ATP8B4: variants seen among roughly 807,000 people sequenced by gnomAD.
ATP8B4 encodes the protein ATPase phospholipid transporting 8B4 (putative).
In ATP8B4, 133 loss-of-function variants were observed where a neutral mutation model predicts 145.6. The ratio of observed to expected loss-of-function variants is 0.91; its 90% CI spans 0.79 to 1.05. ATP8B4 has a LOEUF of 1.05. ATP8B4 is among the 50% of genes least tolerant of loss of function. ATP8B4 has a pLI of 0.00. For missense variants in ATP8B4, 1,458 were observed against 1,425.2 expected (o/e 1.02, Z -0.37); for synonymous variants, 507 against 492.9 (o/e 1.03, Z -0.38).
chr15:49,876,387 G>C lies in ATP8B4; in HGVS notation c.2918C>G (p.Pro973Arg), dbSNP rs2034425722. ...IYTSLVLFFI[P>R]YGAFYNVAGE... The stretch of plus-strand genomic sequence containing the variant: ...AGCCACGTTGTAAAAGGCCCCATAG[G>C]GGATGAAGAAAAGGACTAATGAGGT... Residue 973 changes from proline to arginine, a missense_variant, in exon 25 of 28, where the codon CCC (proline) becomes CGC (arginine). By Grantham distance (103) the Pro-to-Arg change is moderately radical. Coordinates refer to ENST00000284509, the MANE Select transcript of ATP8B4 (RefSeq NM_024837.4). 1 of 1,613,990 alleles carries C rather than the reference G, an allele frequency of 6.2e-7. No homozygotes were observed. The highest frequency in any genetic ancestry group is 8.5e-7 in the Non-Finnish European group (1 of 1,179,998).
chr15:50,016,537 G>A (rs1470218736), intron 6 of ATP8B4, among the ~76,000 whole-genome samples: 1 of 152,190 alleles, frequency 6.6e-6, no homozygotes, highest in East Asian at 1.9e-4. Context: ...GACAGAGGGA[G>A]CAGTTGGGCT....
chr15:49,979,364 C>G (rs1456103892), intron 12 of ATP8B4, among the ~76,000 whole-genome samples: 1 of 152,112 alleles, frequency 6.6e-6, no homozygotes, highest in Non-Finnish European at 1.5e-5. Context: ...TATTGTAGTG[C>G]ATGTCTTACA....
Position 49,918,940 on chromosome 15 carries a change from G to C in ATP8B4, c.1934C>G (p.Ala645Gly). The C allele has an allele frequency of 6.2e-7, 1 of 1,608,322 alleles. No homozygotes were observed. Among genetic ancestry groups the C allele is most frequent in the Non-Finnish European group, 8.5e-7 (1 of 1,176,262 alleles). Residue 645 changes from alanine (A) to glycine (G), a missense_variant, in exon 19 of 28, where the codon GCC becomes GGC. Transcript: ENST00000284509. ...CTGTAACTTATCTTCTACAGCAGTG[G>C]CACCTAGTAGCTTTATTGAAAAAGA... The part of the protein sequence containing the change: ...EIERDLMLLG[A>G]TAVEDKLQEG...
intron 1 of ATP8B4, among the ~76,000 whole-genome samples, chr15:50,126,527 G>T (rs191743317): frequency 6.6e-6 from 1 of 152,266 alleles, no homozygotes; most frequent in Admixed American, 6.5e-5. Flanking sequence ...TAAACTCAGG[G>T]TCATATGTCA....
chr15:50,002,286 A>T (rs905647085), intron 7 of ATP8B4, 63 bp from the exon 8 acceptor site: 302 of 1,347,310 alleles, frequency 2.2e-4, no homozygotes, highest in Non-Finnish European at 2.9e-4. Context: ...AGTCTTCTAC[A>T]GTATATCACC....
rs185358301 is a variant in ATP8B4, at chr15:50,079,842, G to C, written c.29-5657C>G. On this transcript the variant is annotated intron_variant, in intron 2 of 27. Coordinates refer to ENST00000284509, the MANE Select transcript of ATP8B4 (RefSeq NM_024837.4). ...ATAAATACTATGTGACCATGAACTTGAGATTGAACTTCCTGGAACATACCT... is the reference window on the plus strand; with the variant it reads ...ATAAATACTATGTGACCATGAACTTCAGATTGAACTTCCTGGAACATACCT... Among the ~76,000 whole-genome samples, 12 of 152,316 alleles carry C rather than the reference G, an allele frequency of 7.9e-5. No individual in the cohort carries two copies. The East Asian group carries it at 2.3e-3, about 29-fold the overall frequency.
At chr15:50,167,666 A>G (rs2044614354) in intron 1 of ATP8B4, among the ~76,000 whole-genome samples, 2 of 152,214 alleles carry the variant, frequency 1.3e-5, no homozygotes. Flanking sequence ...TACACTTAGC[A>G]TATCAGCACT....
chr15:49,907,605 G>C (rs751989986), intron 20 of ATP8B4, among the ~76,000 whole-genome samples: 50 of 152,196 alleles, frequency 3.3e-4, no homozygotes, highest in Non-Finnish European at 6.5e-4. Context: ...GCATGGAACA[G>C]TCATAAAGCT....
At chr15:49,976,479 C>A (rs1056558830) in intron 12 of ATP8B4, among the ~76,000 whole-genome samples, 13 of 151,966 alleles carry the variant, frequency 8.6e-5, no homozygotes, top group African/African-American at 3.1e-4. Flanking sequence ...CCCAAGGTCA[C>A]ATCAATAATT....
At chr15:49,970,059 TA>T (rs560558274) in intron 13 of ATP8B4, among the ~76,000 whole-genome samples, 17 of 152,238 alleles carry the variant, frequency 1.1e-4, no homozygotes, top group African/African-American at 4.1e-4. Context: ...AGGCCTTTGA[TA>T]AAATTCAGCA....
At position 49,879,367 on chromosome 15, in the gene ATP8B4, A is replaced by T; in HGVS notation, c.2781+9T>A. ...GAAACTAAGTTATAAAGATGGAAAA[A>T]AAACATACCTGGTCAAAAATCCCCA... is the stretch of plus-strand genomic sequence containing the variant. On this transcript the variant is annotated intron_variant, in intron 24 of 27. Coordinates refer to ENST00000284509, the MANE Select transcript of ATP8B4 (RefSeq NM_024837.4). 1 of 1,602,408 alleles carries T rather than the reference A, an allele frequency of 6.2e-7. No homozygotes were observed. Among genetic ancestry groups the T allele is most frequent in the South Asian group, 1.1e-5 (1 of 89,240 alleles).
chr15:50,181,240 G>T (rs2044842908), intron 1 of ATP8B4, among the ~76,000 whole-genome samples: 1 of 152,172 alleles, frequency 6.6e-6, no homozygotes. Context: ...GACAGTAGAG[G>T]ATGAAAATAA....
chr15:49,872,367 C>T (rs796231250), intron 25 of ATP8B4, among the ~76,000 whole-genome samples: 1 of 152,078 alleles, frequency 6.6e-6, no homozygotes, highest in Non-Finnish European at 1.5e-5. Context: ...ATACTCCTTC[C>T]TCTAGGAGGT....
At chr15:49,869,199 A>G (rs1425359872) in intron 25 of ATP8B4, among the ~76,000 whole-genome samples, 1 of 152,016 alleles carries the variant, frequency 6.6e-6, no homozygotes, top group Non-Finnish European at 1.5e-5. Context: ...GGCGTGAGCC[A>G]CTGAGCCTGG....
chr15:50,020,489 C>T (rs1393313439), intron 6 of ATP8B4, among the ~76,000 whole-genome samples: 1 of 151,952 alleles, frequency 6.6e-6, no homozygotes, highest in African/African-American at 2.4e-5. Flanking sequence ...CCAGGCTGGT[C>T]TCAAACTCCT....
intron 3 of ATP8B4, among the ~76,000 whole-genome samples, chr15:50,072,918 C>T (rs1462095818): frequency 5.4e-5 from 6 of 110,792 alleles, no homozygotes; most frequent in African/African-American, 1.7e-4. Flanking sequence ...TCACTGTGCC[C>T]GGCCTCTCTC....
At chr15:50,167,665 C>T (rs745992387) in intron 1 of ATP8B4, among the ~76,000 whole-genome samples, 7 of 152,166 alleles carry the variant, frequency 4.6e-5, no homozygotes, top group Non-Finnish European at 8.8e-5. Context: ...CTACACTTAG[C>T]ATATCAGCAC....
At chr15:50,083,001 T>C (rs1258722718) in intron 2 of ATP8B4, among the ~76,000 whole-genome samples, 2 of 152,154 alleles carry the variant, frequency 1.3e-5, no homozygotes, top group East Asian at 1.9e-4. Flanking sequence ...GTACAGTGCA[T>C]AGATGACTGG....
chr15:50,080,119 T>C (rs1355909446), intron 2 of ATP8B4, among the ~76,000 whole-genome samples: 1 of 152,186 alleles, frequency 6.6e-6, no homozygotes, highest in Admixed American at 6.5e-5. Flanking sequence ...TTCAAAGTGC[T>C]ACTCCATATA....
Sources: gnomAD v4.1 joint callset for allele counts (sites outside exome capture counted in the v4.1 genomes callset) on GRCh38, gnomAD v4.1.1 for gene constraint, MANE v1.5 for transcripts, NCBI Gene and HGNC (gene_info 2026-07-23, HGNC 2026-07-21) for gene names.